Variants in ANKS3 observed in about 807,000 individuals in gnomAD.
ANKS3 encodes ankyrin repeat and sterile alpha motif domain containing 3, also known as ankyrin repeat and SAM domain-containing protein 3.
A neutral mutation model predicts 80.7 loss-of-function variants in ANKS3; 62 were observed. The observed-to-expected ratio is 0.77, with a 90% CI of 0.63 to 0.95. The LOEUF (loss-of-function observed/expected upper bound fraction) is 0.95. ANKS3 is among the 40% of genes least tolerant of loss of function. The probability of loss-of-function intolerance (pLI) is 0.00; values close to 1 mark genes in which losing one functional copy is unlikely to be tolerated. For missense variants in ANKS3, 1,150 were observed against 883.6 expected (o/e 1.30, Z -3.82); for synonymous variants, 489 against 355.3 (o/e 1.38, Z -4.23).
chr16:4,726,180 G>A (rs1290473946), intron 5 of ANKS3, among the ~76,000 whole-genome samples: 1 of 151,762 alleles, frequency 6.6e-6, no homozygotes, highest in East Asian at 1.9e-4. Context: ...GTTTCACCAT[G>A]TTAGCCAGGA....
chr16:4,730,144 G>A lies in ANKS3; in HGVS notation c.6C>T (p.Ser2=), dbSNP rs145030609. Residue 2 remains serine (S), a synonymous_variant, in exon 3 of 18, where the codon TCC becomes TCT. Coordinates refer to ENST00000304283, the MANE Select transcript of ANKS3 (RefSeq NM_133450.4). ...GCTCGCTGGCTTCATCGCTGAGCTC[G>A]GACATCACTGAGGAGGAAGGCCCAA... The part of the protein sequence containing the change: M[S]ELSDEASEPE... 985 of 1,552,784 alleles carry A rather than the reference G, an allele frequency of 6.3e-4. No individual in the cohort carries two copies. The highest frequency in any genetic ancestry group is 7.0e-4 in the Non-Finnish European group (802 of 1,144,566).
At chr16:4,706,098 A>G (rs1464066431) in intron 7 of ANKS3, among the ~76,000 whole-genome samples, 2 of 151,862 alleles carry the variant, frequency 1.3e-5, no homozygotes, top group East Asian at 1.9e-4. Context: ...GGGTTTCATC[A>G]TATTAGGCTG....
At chr16:4,733,788 T>C in intron 1 of ANKS3, 150 bp downstream of exon 1, 1 of 403,916 alleles carries the variant, frequency 2.5e-6, no homozygotes. Flanking sequence ...TTTAAAAATC[T>C]TAACAAATGT....
rs765981577 is a variant in ANKS3 at position 4,724,856 on chromosome 16, A to T, written c.492-25T>A. The T allele has an allele frequency of 1.1e-5, 18 of 1,612,086 alleles. No homozygotes were observed. The African/African-American group carries it at 2.0e-4, about 18-fold the overall frequency. ...CCTGCAAGATGTGGGCCACAGTCAGATGATTGGAAGAGACAAGTTCCGCCA... is the reference window on the plus strand; with the variant it reads ...CCTGCAAGATGTGGGCCACAGTCAGTTGATTGGAAGAGACAAGTTCCGCCA... On this transcript the variant is annotated intron_variant, in intron 5 of 17. Transcript: ENST00000304283.
At chr16:4,701,650 A>C (rs1041297388) in intron 9 of ANKS3, 107 bp from the exon 10 acceptor site, 1 of 927,848 alleles carries the variant, frequency 1.1e-6, no homozygotes, top group African/African-American at 1.7e-5. Flanking sequence ...TGGGGCCTGC[A>C]GCGGTTGCTT....
intron 6 of ANKS3, among the ~76,000 whole-genome samples, chr16:4,722,643 C>A (rs902969914): frequency 6.6e-6 from 1 of 150,724 alleles, no homozygotes; most frequent in African/African-American, 2.4e-5. Flanking sequence ...ACTGGCTGGG[C>A]GCAGTGGCTT....
At position 4,726,736 on chromosome 16, in the gene ANKS3, G is replaced by A; in HGVS notation, c.414C>T (p.Ala138=). 1.2e-6 allele frequency: 2 copies of A among 1,614,150 alleles called. No homozygotes were observed. The highest frequency in any genetic ancestry group is 1.7e-6 in the Non-Finnish European group (2 of 1,179,990). Residue 138 remains alanine, a synonymous_variant, in exon 5 of 18, where the codon GCC becomes GCT. Coordinates refer to ENST00000304283, the MANE Select transcript of ANKS3 (RefSeq NM_133450.4). ...GCCCGGCGCTGGTACAGTGGAAGAG[G>A]GCTGTCCAGCCCTGGATGTCTTTCA... ...LEMKDIQGWT[A]LFHCTSAGHQ... is the part of the protein sequence containing the mutation.
At chr16:4,722,781 G>A (rs1432778710) in intron 6 of ANKS3, among the ~76,000 whole-genome samples, 4 of 150,988 alleles carry the variant, frequency 2.6e-5, no homozygotes, top group Non-Finnish European at 5.9e-5. Context: ...AGCCAGGTGT[G>A]CGGGCGGGTG....
intron 7 of ANKS3, among the ~76,000 whole-genome samples, chr16:4,713,144 G>A (rs531491805): frequency 2.6e-5 from 4 of 152,136 alleles, no homozygotes; most frequent in South Asian, 2.1e-4. Context: ...GGTGGTGCAC[G>A]CCTGTAATCC....
At chr16:4,730,198 C>G in intron 2 of ANKS3, 47 bp from the exon 3 acceptor site, 1 of 1,440,542 alleles carries the variant, frequency 6.9e-7, no homozygotes, top group African/African-American at 1.4e-5. Context: ...CTGGTTGTTC[C>G]AGGGCATGAA....
intron 7 of ANKS3, among the ~76,000 whole-genome samples, chr16:4,710,687 G>A (rs1173670078): frequency 4.6e-5 from 7 of 152,098 alleles, no homozygotes. Flanking sequence ...TCCAGCCTGG[G>A]TGACAAAGCA....
chr16:4,722,594 GA>G (rs2081159821), intron 6 of ANKS3, among the ~76,000 whole-genome samples: 1 of 130,364 alleles, frequency 7.7e-6, no homozygotes, highest in South Asian at 2.5e-4. Flanking sequence ...AAAAAAAAAA[GA>G]AATACAAATG....
At chr16:4,726,453 G>T (rs2081357406) in intron 5 of ANKS3, among the ~76,000 whole-genome samples, 1 of 152,204 alleles carries the variant, frequency 6.6e-6, no homozygotes, top group African/African-American at 2.4e-5. Flanking sequence ...TAAAGAAAAG[G>T]AAGCTGAGAG....
In ANKS3 at chr16:4,708,124, T is replaced by A. The variant is rs573763120; in HGVS notation, c.710-2871A>T. Among the ~76,000 whole-genome samples the A allele has an allele frequency of 1.4e-3, 201 of 146,690 alleles. 1 individual carries two copies. Among genetic ancestry groups the A allele is most frequent in the African/African-American group, 3.1e-3 (123 of 40,144 alleles). On this transcript the variant is annotated intron_variant, in intron 7 of 17. Coordinates refer to ENST00000304283, the MANE Select transcript of ANKS3 (RefSeq NM_133450.4). ...AGTGAGACTACATCTGAAAAAAATATATATATATATAGATAGATCAGTAGA... is the reference window on the plus strand; with the variant it reads ...AGTGAGACTACATCTGAAAAAAATAAATATATATATAGATAGATCAGTAGA...
rs1026354025 is a variant in ANKS3 at position 4,696,792 on chromosome 16, C to T, written c.*116G>A. 3.4e-6 allele frequency: 2 copies of T among 586,902 alleles called. No homozygotes were observed. Among genetic ancestry groups the T allele is most frequent in the African/African-American group, 3.7e-5 (2 of 53,402 alleles). The allele number at this position is 586,902 out of a possible 1,614,324, so 36.4% of individuals were successfully genotyped here. On this transcript the variant is annotated 3_prime_UTR_variant, in exon 18 of 18. Coordinates refer to ENST00000304283, the MANE Select transcript of ANKS3 (RefSeq NM_133450.4). ...CCGGCTGCTCCCGGGGCCTGATCCT[C>T]TGGCCCCCACTGGGCCTGGGCTGCA...
chr16:4,727,548 G>A (rs534375605), intron 3 of ANKS3: 36 of 342,328 alleles, frequency 1.1e-4, no homozygotes, highest in South Asian at 4.0e-4. Context: ...CAAGGCTGCC[G>A]CTAAACATCC....
At chr16:4,696,974 C>T in intron 17 of ANKS3, 43 bp downstream of exon 17, 1 of 1,596,628 alleles carries the variant, frequency 6.3e-7, no homozygotes. Context: ...CAGACAGGCC[C>T]TGCTGCTCCC....
chr16:4,706,665 A>G (rs1289656213), intron 7 of ANKS3, among the ~76,000 whole-genome samples: 2 of 152,188 alleles, frequency 1.3e-5, no homozygotes, highest in Non-Finnish European at 2.9e-5. Context: ...TCAGTTTTTC[A>G]TATTTGATTT....
Position 4,726,980 on chromosome 16 carries a change from T to G in ANKS3, c.368A>C (p.Gln123Pro), listed in dbSNP as rs1327272121. ...GNESIAYFLL[Q>P]QGAELEMKDI... is the part of the protein sequence containing the mutation. The stretch of plus-strand genomic sequence containing the variant: ...GGCCTGAGTTCCCTCGTAGCTCACC[T>G]GGAGAAGAAAGTAGGCGATGCTCTC... The change falls in exon 4 of 18, where the codon CAG (glutamine) becomes CCG (proline). Residue 123 changes from glutamine to proline, a missense_variant and splice_region_variant. Coordinates refer to ENST00000304283, the MANE Select transcript of ANKS3 (RefSeq NM_133450.4). The G allele has an allele frequency of 6.2e-7, 1 of 1,614,060 alleles. No homozygotes were observed. The highest frequency in any genetic ancestry group is 8.5e-7 in the Non-Finnish European group (1 of 1,180,028).
Sources: gnomAD v4.1 joint callset for allele counts (sites outside exome capture counted in the v4.1 genomes callset) on GRCh38, gnomAD v4.1.1 for gene constraint, MANE v1.5 for transcripts, NCBI Gene and HGNC (gene_info 2026-07-23, HGNC 2026-07-21) for gene names.